WIPF2: variants seen among roughly 807,000 people sequenced by gnomAD.
The protein encoded by WIPF2 is WAS/WASL interacting protein family member 2.
In WIPF2, 23 loss-of-function variants were observed where a neutral mutation model predicts 38.8. The ratio of observed to expected loss-of-function variants is 0.59; its 90% CI spans 0.43 to 0.84. The LOEUF is 0.84. WIPF2 is among the 40% of genes least tolerant of loss of function. The pLI, the probability that WIPF2 is intolerant of heterozygous loss-of-function variation, is 0.00. For missense variants in WIPF2, 574 were observed against 580.5 expected (o/e 0.99, Z 0.11); for synonymous variants, 210 against 223.2 (o/e 0.94, Z 0.53).
At chr17:40,277,675 C>T (rs1344397528) in intron 7 of WIPF2, among the ~76,000 whole-genome samples, 2 of 144,738 alleles carry the variant, frequency 1.4e-5, no homozygotes, top group South Asian at 2.1e-4. Context: ...AGGGAGACTC[C>T]GTCTCAAAAA....
At chr17:40,222,326 A>C (rs2030270943) in intron 1 of WIPF2, among the ~76,000 whole-genome samples, 1 of 151,582 alleles carries the variant, frequency 6.6e-6, no homozygotes, top group South Asian at 2.1e-4. Context: ...TGCTGGGATT[A>C]CAGGTGTGAG....
intron 1 of WIPF2, among the ~76,000 whole-genome samples, chr17:40,222,793 C>T (rs1374104572): frequency 2.0e-5 from 3 of 147,798 alleles, no homozygotes; most frequent in Non-Finnish European, 3.0e-5. Flanking sequence ...GCCTCAGTCC[C>T]CCAAGTAACT....
At chr17:40,235,782 C>T (rs1170557750) in intron 1 of WIPF2, among the ~76,000 whole-genome samples, 2 of 151,648 alleles carry the variant, frequency 1.3e-5, no homozygotes, top group Non-Finnish European at 2.9e-5. Flanking sequence ...CCATGTTGGT[C>T]AGGCTGGTCT....
At chr17:40,233,390 CTACTT>C (rs2030829532) in intron 1 of WIPF2, among the ~76,000 whole-genome samples, 1 of 151,968 alleles carries the variant, frequency 6.6e-6, no homozygotes, top group South Asian at 2.1e-4. Context: ...AAAAAAAACA[CTACTT>C]TATTTCTGCT....
At position 40,264,849 on chromosome 17, in the gene WIPF2, C is replaced by T. The variant is rs901082886; in HGVS notation, c.673C>T (p.Pro225Ser). 39 of 1,614,052 alleles carry T rather than the reference C, an allele frequency of 2.4e-5. No homozygotes were observed. The highest frequency in any genetic ancestry group is 3.1e-5 in the Non-Finnish European group (36 of 1,180,044). Residue 225 changes from proline (P) to serine (S), a missense_variant, in exon 5 of 8, where the codon CCT (proline) becomes TCT (serine). By Grantham distance (74) the Pro-to-Ser change is moderately conservative. Coordinates refer to ENST00000323571, the MANE Select transcript of WIPF2 (RefSeq NM_133264.5). ...GCTTCACCCTGGTCGAGAGGGACCT[C>T]CTGCTCCACCCCCAGTCAAACCACC... ...QRLHPGREGP[P>S]APPPVKPPPS...
At chr17:40,248,320 G>A (rs530143741) in intron 1 of WIPF2, among the ~76,000 whole-genome samples, 2 of 151,372 alleles carry the variant, frequency 1.3e-5, no homozygotes, top group East Asian at 1.9e-4. Flanking sequence ...ACCCGCCACC[G>A]TGCCTGGCTA....
intron 1 of WIPF2, among the ~76,000 whole-genome samples, chr17:40,248,757 G>T (rs930447259): frequency 1.3e-5 from 2 of 152,304 alleles, no homozygotes; most frequent in Admixed American, 1.3e-4. Context: ...AGATTATCTG[G>T]GAGATAGAGT....
At chr17:40,277,705 C>G (rs2032444752) in intron 7 of WIPF2, among the ~76,000 whole-genome samples, 1 of 121,248 alleles carries the variant, frequency 8.2e-6, no homozygotes, top group African/African-American at 4.1e-5. Context: ...AAAATTGCTT[C>G]TCATCATCTT....
chr17:40,221,673 C>CA (rs1257251986), intron 1 of WIPF2, among the ~76,000 whole-genome samples: 4 of 65,872 alleles, frequency 6.1e-5, no homozygotes, highest in Admixed American at 1.9e-4. Context: ...CTCTGCCTGC[C>CA]GGATTCAAGC....
At chr17:40,266,996 A>G in intron 5 of WIPF2, among the ~76,000 whole-genome samples, 1 of 152,174 alleles carries the variant, frequency 6.6e-6, no homozygotes, top group East Asian at 1.9e-4. Context: ...ATGGAAAGCA[A>G]GAGCATCAGC....
chr17:40,271,036 G>A (rs566916585), intron 5 of WIPF2, among the ~76,000 whole-genome samples: 20 of 152,124 alleles, frequency 1.3e-4, no homozygotes, highest in Non-Finnish European at 1.2e-4. Flanking sequence ...GCAGTGGCGC[G>A]ATGTTGGCTT....
chr17:40,265,235 T>C, intron 5 of WIPF2, 89 bp downstream of exon 5: 1 of 1,448,198 alleles, frequency 6.9e-7, no homozygotes, highest in Non-Finnish European at 9.3e-7. Flanking sequence ...GTAATTCGTT[T>C]ATTCACTCAG....
At chr17:40,262,462 A>G in intron 3 of WIPF2, 63 bp from the exon 4 acceptor site, 9 of 1,344,032 alleles carry the variant, frequency 6.7e-6, no homozygotes, top group Non-Finnish European at 9.6e-6. Context: ...GTTTCCCCTC[A>G]TGATTTACTT....
chr17:40,257,923 C>T (rs1241170201), intron 2 of WIPF2, among the ~76,000 whole-genome samples: 1 of 152,044 alleles, frequency 6.6e-6, no homozygotes, highest in Non-Finnish European at 1.5e-5. Context: ...AGAAATTGTA[C>T]CCCGAAGAGG....
chr17:40,226,123 T>C (rs1167967752), intron 1 of WIPF2, among the ~76,000 whole-genome samples: 1 of 151,874 alleles, frequency 6.6e-6, no homozygotes, highest in African/African-American at 2.4e-5. Flanking sequence ...AATCTTTTTT[T>C]TTCCTCCCAA....
At chr17:40,229,326 C>T (rs553012614) in intron 1 of WIPF2, among the ~76,000 whole-genome samples, 7 of 152,100 alleles carry the variant, frequency 4.6e-5, no homozygotes, top group East Asian at 3.9e-4. Context: ...AGGCTGGTCT[C>T]GAACTCCTGA....
intron 1 of WIPF2, among the ~76,000 whole-genome samples, chr17:40,246,553 C>G (rs879881537): frequency 4.6e-5 from 7 of 151,792 alleles, no homozygotes; most frequent in Admixed American, 4.6e-4. Flanking sequence ...CACCTGACAC[C>G]ACGCCCAACC....
In WIPF2 at chr17:40,264,999, G is replaced by C; in HGVS notation, c.823G>C (p.Glu275Gln). The C allele has an allele frequency of 1.2e-6, 2 of 1,614,034 alleles. No homozygotes were observed. Among genetic ancestry groups the C allele is most frequent in the Non-Finnish European group, 1.7e-6 (2 of 1,179,992 alleles). ...PSSPTNESAPELPQRHNSLHR... is the reference protein window; with the variant it reads ...PSSPTNESAPQLPQRHNSLHR... Reference sequence around the variant, plus strand: ...TAGCCCCACTAATGAGTCAGCCCCTGAGCTGCCACAGAGACACAATTCTTT... The same window carrying C: ...TAGCCCCACTAATGAGTCAGCCCCTCAGCTGCCACAGAGACACAATTCTTT... Residue 275 changes from glutamate (E) to glutamine (Q), a missense_variant, in exon 5 of 8, where the codon GAG becomes CAG. Physicochemically the swap from Glu to Gln is conservative, Grantham distance 29. Coordinates refer to ENST00000323571, the MANE Select transcript of WIPF2 (RefSeq NM_133264.5).
chr17:40,276,345 T>C (rs1424900012), intron 6 of WIPF2, among the ~76,000 whole-genome samples: 1 of 151,578 alleles, frequency 6.6e-6, no homozygotes, highest in African/African-American at 2.4e-5. Context: ...CTGGCCAACA[T>C]GGTGAAACCC....
Sources: allele counts gnomAD v4.1 joint callset (sites outside exome capture counted in the v4.1 genomes callset), GRCh38; gene constraint gnomAD v4.1.1; transcripts MANE v1.5; gene names NCBI Gene and HGNC (gene_info 2026-07-23, HGNC 2026-07-21).